FNIP1: variants seen among roughly 807,000 people sequenced by gnomAD.
FNIP1 encodes folliculin interacting protein 1, also known as folliculin-interacting protein 1.
In FNIP1, 40 loss-of-function variants were observed where a neutral mutation model predicts 124.5. The observed-to-expected ratio is 0.32, with a 90% CI of 0.25 to 0.42. The LOEUF is 0.42. Among genes scored for constraint, FNIP1 ranks in the 10% least tolerant of loss-of-function variants. The pLI is 1.00. For synonymous variants in FNIP1, 472 were observed against 470.6 expected, an observed-to-expected ratio of 1.00 and a Z score of -0.04; for missense variants, 1,176 against 1,403.7, an observed-to-expected ratio of 0.84 and a Z score of 2.59.
chr5:131,695,988 T>C (rs1768678384), intron 11 of FNIP1, among the ~76,000 whole-genome samples: 1 of 152,268 alleles, frequency 6.6e-6, no homozygotes, highest in Non-Finnish European at 1.5e-5. Flanking sequence ...CATTAACACT[T>C]GGTTTAAGCA....
intron 15 of FNIP1, among the ~76,000 whole-genome samples, chr5:131,664,844 T>C (rs1242288904): frequency 1.3e-5 from 2 of 150,762 alleles, no homozygotes; most frequent in African/African-American, 2.4e-5. Flanking sequence ...TGGGTATATA[T>C]AAATACATAT....
chr5:131,712,688 T>C (rs1769335668), intron 6 of FNIP1, among the ~76,000 whole-genome samples: 1 of 152,362 alleles, frequency 6.6e-6, no homozygotes, highest in East Asian at 1.9e-4. Context: ...TATTCTTCAA[T>C]TTTTTGGTTG....
At chr5:131,709,549 A>T (rs1006303609) in intron 7 of FNIP1, among the ~76,000 whole-genome samples, 1 of 152,324 alleles carries the variant, frequency 6.6e-6, no homozygotes, top group Non-Finnish European at 1.5e-5. Context: ...ATTCAGTGAC[A>T]TATTTATAAT....
intron 1 of FNIP1, among the ~76,000 whole-genome samples, chr5:131,794,490 T>C (rs1180777628): frequency 2.0e-5 from 3 of 151,928 alleles, no homozygotes; most frequent in Non-Finnish European, 2.9e-5. Context: ...GAAAAGAAAA[T>C]ATATGTCCAC....
At chr5:131,663,348 A>G (rs953418329) in intron 15 of FNIP1, among the ~76,000 whole-genome samples, 1 of 152,030 alleles carries the variant, frequency 6.6e-6, no homozygotes, top group Non-Finnish European at 1.5e-5. Context: ...AGTCAATGGA[A>G]TTTTTTCTTG....
intron 3 of FNIP1, among the ~76,000 whole-genome samples, chr5:131,722,455 T>C (rs1769699185): frequency 6.6e-6 from 1 of 152,210 alleles, no homozygotes; most frequent in Non-Finnish European, 1.5e-5. Flanking sequence ...AAAATTCTAA[T>C]AACCATAAAG....
At chr5:131,740,057 T>G (rs1322475799) in intron 2 of FNIP1, among the ~76,000 whole-genome samples, 1 of 152,150 alleles carries the variant, frequency 6.6e-6, no homozygotes, top group Non-Finnish European at 1.5e-5. Context: ...ACAAAGCACT[T>G]TGGACAACTT....
intron 1 of FNIP1, among the ~76,000 whole-genome samples, chr5:131,790,882 C>A (rs1772386643): frequency 6.6e-6 from 1 of 152,104 alleles, no homozygotes; most frequent in African/African-American, 2.4e-5. Flanking sequence ...TAAAATAAAT[C>A]AAAGGTGATA....
intron 1 of FNIP1, among the ~76,000 whole-genome samples, chr5:131,787,353 TTAAG>T (rs1772250414): frequency 6.6e-6 from 1 of 152,254 alleles, no homozygotes; most frequent in Non-Finnish European, 1.5e-5. Context: ...GACTCAGCAA[TTAAG>T]TGTGAGAACT....
intron 16 of FNIP1, among the ~76,000 whole-genome samples, chr5:131,651,577 C>T (rs1269975692): frequency 6.6e-6 from 1 of 152,070 alleles, no homozygotes. Context: ...TCTTCTTAGG[C>T]CACTAATACC....
At chr5:131,722,876 G>C (rs1050504380) in intron 3 of FNIP1, among the ~76,000 whole-genome samples, 3 of 152,168 alleles carry the variant, frequency 2.0e-5, no homozygotes, top group African/African-American at 7.2e-5. Flanking sequence ...AGTAGAGACA[G>C]GGATTCACCA....
chr5:131,670,654 A>G lies in FNIP1; in HGVS notation c.2940-23T>C, dbSNP rs781066185. The G allele has an allele frequency of 2.9e-5, 46 of 1,565,036 alleles. 1 individual carries two copies. The highest frequency in any genetic ancestry group is 3.5e-6 in the Non-Finnish European group (4 of 1,159,184). ...GACCTGGAAGAAAAATGCCCCCAAA[A>G]GACATTTATTTAGTAATAAATATAT... On this transcript the variant is annotated intron_variant, in intron 14 of 17. Transcript: ENST00000510461.
chr5:131,734,975 A>T (rs1167073883), intron 2 of FNIP1, among the ~76,000 whole-genome samples: 2 of 152,168 alleles, frequency 1.3e-5, no homozygotes, highest in African/African-American at 4.8e-5. Context: ...ACCCAAAGGA[A>T]TATAAATCAT....
intron 15 of FNIP1, among the ~76,000 whole-genome samples, chr5:131,667,882 C>T (rs755627264): frequency 6.6e-6 from 1 of 152,142 alleles, no homozygotes; most frequent in Admixed American, 6.6e-5. Context: ...GCCACCATTC[C>T]GGGCCTCTCT....
chr5:131,713,497 T>A (rs1769369314), intron 6 of FNIP1, among the ~76,000 whole-genome samples: 1 of 152,226 alleles, frequency 6.6e-6, no homozygotes, highest in South Asian at 2.1e-4. Flanking sequence ...AAGATACAAC[T>A]AACTGGTCAA....
At chr5:131,710,012 A>G (rs1769236339) in intron 7 of FNIP1, among the ~76,000 whole-genome samples, 1 of 152,234 alleles carries the variant, frequency 6.6e-6, no homozygotes, top group Non-Finnish European at 1.5e-5. Flanking sequence ...AATCCTGGAT[A>G]TATACACATG....
intron 3 of FNIP1, among the ~76,000 whole-genome samples, chr5:131,724,793 G>A (rs1769800457): frequency 1.3e-5 from 2 of 151,020 alleles, no homozygotes. Context: ...TGTCCTGAAT[G>A]GTATTGCATA....
At chr5:131,723,848 A>G (rs749313309) in intron 3 of FNIP1, among the ~76,000 whole-genome samples, 10 of 151,852 alleles carry the variant, frequency 6.6e-5, no homozygotes, top group Non-Finnish European at 1.3e-4. Flanking sequence ...TCCTAATGCT[A>G]TCCCTCCCCC....
Position 131,738,429 on chromosome 5 carries a change from G to GA in FNIP1, c.219+6134dup, listed in dbSNP as rs1305268778. 1.8e-4 allele frequency among the ~76,000 whole-genome samples: 28 copies of GA among 151,712 alleles called. No homozygotes were observed. The South Asian group carries it at 3.8e-3, about 20-fold the overall frequency. Reference sequence around the variant, plus strand: ...TGTTTTCTGTTTTATCATGCAAGTTGAAAAAAAATTGGCTGTCAAATTTGT... The same window carrying GA: ...TGTTTTCTGTTTTATCATGCAAGTTGAAAAAAAAATTGGCTGTCAAATTTGT... On this transcript the variant is annotated intron_variant, in intron 2 of 17. Transcript: ENST00000510461.
Sources: gnomAD v4.1 joint callset for allele counts (sites outside exome capture counted in the v4.1 genomes callset) on GRCh38, gnomAD v4.1.1 for gene constraint, MANE v1.5 for transcripts, NCBI Gene and HGNC (gene_info 2026-07-23, HGNC 2026-07-21) for gene names.